NBAS: variants seen among roughly 807,000 people sequenced by gnomAD.
NBAS encodes NBAS subunit of NRZ tethering complex.
In NBAS, 219 loss-of-function variants were observed where a neutral mutation model predicts 302.5. The observed-to-expected ratio is 0.72, with a 90% CI of 0.65 to 0.81. NBAS has a LOEUF of 0.81. Among genes scored for constraint, NBAS ranks in the 30% least tolerant of loss-of-function variants. NBAS has a pLI of 0.00. For synonymous variants in NBAS, 1,118 were observed against 1,021.6 expected (o/e 1.09, Z -1.80); for missense variants, 2,932 against 2,841.6 (o/e 1.03, Z -0.72).
intron 9 of NBAS, among the ~76,000 whole-genome samples, chr2:15,518,829 A>G (rs1256318755): frequency 6.6e-6 from 1 of 152,142 alleles, no homozygotes; most frequent in Non-Finnish European, 1.5e-5. Context: ...GTGGAATGGC[A>G]GCAGGCAAAG....
rs1327968272 is a variant in NBAS, at chr2:15,393,349, C to T, written c.3257+878G>A. Among the ~76,000 whole-genome samples the T allele has an allele frequency of 2.0e-5, 3 of 151,816 alleles. No homozygotes were observed. In the East Asian group the frequency reaches 5.8e-4, roughly 29 times the overall value. On this transcript the variant is annotated intron_variant, in intron 28 of 51. Transcript: ENST00000281513. ...AGAATATATAAGAAAACTCCCAAAA[C>T]TCAATAAAAAGAAAAATTACTCAGT...
At chr2:15,365,315 T>A (rs1253200488) in intron 32 of NBAS, among the ~76,000 whole-genome samples, 1 of 152,212 alleles carries the variant, frequency 6.6e-6, no homozygotes, top group African/African-American at 2.4e-5. Context: ...AGATGGCACC[T>A]CTGAGCTGCT....
At chr2:14,942,795 C>A in the NBAS span, among the ~76,000 whole-genome samples, 1 of 152,210 alleles carries the variant, frequency 6.6e-6, no homozygotes. Context: ...AGAGGCTCAA[C>A]TCATCACAGC....
In NBAS at chr2:15,264,849, G is replaced by A. The variant is rs78131097; in HGVS notation, c.5724+10635C>T. 5.3e-5 allele frequency among the ~76,000 whole-genome samples: 8 copies of A among 152,262 alleles called. No homozygotes were observed. The East Asian group carries it at 5.8e-4, about 11-fold the overall frequency. On this transcript the variant is annotated intron_variant, in intron 44 of 51. Transcript: ENST00000281513. ...AAAGGCTGGATGTGACGAGGGAGAC[G>A]GATGAAAATGTTTTATCTGCTCCAC... is the stretch of plus-strand genomic sequence containing the variant.
the NBAS span, among the ~76,000 whole-genome samples, chr2:15,090,892 A>C: frequency 6.6e-6 from 1 of 152,166 alleles, no homozygotes; most frequent in Non-Finnish European, 1.5e-5. Flanking sequence ...CTTATCGTGA[A>C]GAGAATGCTT....
At chr2:15,270,916 T>C (rs1049583760) in intron 44 of NBAS, among the ~76,000 whole-genome samples, 2 of 152,166 alleles carry the variant, frequency 1.3e-5, no homozygotes, top group African/African-American at 4.8e-5. Flanking sequence ...TAATATACAT[T>C]AAATAAACAT....
chr2:15,015,800 A>G, the NBAS span, among the ~76,000 whole-genome samples: 1 of 152,160 alleles, frequency 6.6e-6, no homozygotes, highest in Admixed American at 6.6e-5. Context: ...GGAATTAGAC[A>G]ACGAAAGAAA....
the NBAS span, among the ~76,000 whole-genome samples, chr2:14,968,053 C>T: frequency 6.6e-6 from 1 of 152,194 alleles, no homozygotes; most frequent in Non-Finnish European, 1.5e-5. Context: ...TTCCTACTCT[C>T]TCGGGCCATT....
At chr2:14,914,631 T>C in the NBAS span, among the ~76,000 whole-genome samples, 1 of 152,140 alleles carries the variant, frequency 6.6e-6, no homozygotes, top group Non-Finnish European at 1.5e-5. Flanking sequence ...CCAACTGATT[T>C]TATGAGATGT....
At chr2:15,251,411 C>T (rs1668359818) in intron 44 of NBAS, among the ~76,000 whole-genome samples, 1 of 152,120 alleles carries the variant, frequency 6.6e-6, no homozygotes, top group Non-Finnish European at 1.5e-5. Flanking sequence ...ACCTATGAAA[C>T]AAACCTGCAC....
the NBAS span, among the ~76,000 whole-genome samples, chr2:14,942,891 C>T: frequency 6.6e-6 from 1 of 152,092 alleles, no homozygotes; most frequent in Non-Finnish European, 1.5e-5. Context: ...GACTCCAAGC[C>T]CCATAATAAA....
the NBAS span, among the ~76,000 whole-genome samples, chr2:14,937,518 C>G: frequency 6.6e-6 from 1 of 152,116 alleles, no homozygotes; most frequent in East Asian, 1.9e-4. Flanking sequence ...AGCTGAAGAA[C>G]CCTGGAAAGC....
At chr2:15,384,708 A>T (rs1675204110) in intron 28 of NBAS, among the ~76,000 whole-genome samples, 1 of 151,822 alleles carries the variant, frequency 6.6e-6, no homozygotes, top group Admixed American at 6.5e-5. Context: ...TTAAATACAC[A>T]TGAGTTTGGA....
chr2:15,030,623 G>T, the NBAS span, among the ~76,000 whole-genome samples: 2 of 152,134 alleles, frequency 1.3e-5, no homozygotes, highest in African/African-American at 4.8e-5. Context: ...TGTGAGGTTT[G>T]CAGATCTTGC....
Position 15,467,784 on chromosome 2 carries a change from A to G in NBAS, c.1898T>C (p.Ile633Thr), listed in dbSNP as rs767525696. ...TTCATAGGAGATACTGTCAATGTCT[A>G]TTTCACCAGGTAATGTAAATCTGCA... The part of the protein sequence containing the change: ...DDGRFTLPGE[I>T]DIDSISYEEL... The change falls in exon 18 of 52, where the codon ATA (isoleucine) becomes ACA (threonine). Residue 633 changes from isoleucine to threonine, a missense_variant. Ile to Thr is a moderately conservative substitution (Grantham distance 89). Coordinates refer to ENST00000281513, the MANE Select transcript of NBAS (RefSeq NM_015909.4). The G allele has an allele frequency of 3.1e-6, 5 of 1,591,462 alleles. No homozygotes were observed. The highest frequency in any genetic ancestry group is 3.3e-5 in the Admixed American group (2 of 59,832).
At position 15,468,015 on chromosome 2, in the gene NBAS, C is replaced by A. The variant is rs1679797479; in HGVS notation, c.1878-211G>T. Reference sequence around the variant, plus strand: ...ATCAGTAATTATTACAAATAGAAATCTAAAAATCAAGAAAATGAAAACTAT... The same window carrying A: ...ATCAGTAATTATTACAAATAGAAATATAAAAATCAAGAAAATGAAAACTAT... On this transcript the variant is annotated intron_variant, in intron 17 of 51. Transcript: ENST00000281513. 2.6e-5 allele frequency among the ~76,000 whole-genome samples: 4 copies of A among 152,158 alleles called. No homozygotes were observed. In the South Asian group the frequency reaches 8.3e-4, roughly 32 times the overall value.
intron 47 of NBAS, among the ~76,000 whole-genome samples, chr2:15,222,569 C>T (rs1666991526): frequency 6.6e-6 from 1 of 152,268 alleles, no homozygotes; most frequent in African/African-American, 2.4e-5. Context: ...TTCATCATAA[C>T]TATCTTTTTC....
chr2:15,073,372 G>A, the NBAS span, among the ~76,000 whole-genome samples: 1 of 151,610 alleles, frequency 6.6e-6, no homozygotes, highest in East Asian at 1.9e-4. Context: ...CCAGCTACTG[G>A]GGAAGCTGAG....
At chr2:15,088,899 C>T in the NBAS span, among the ~76,000 whole-genome samples, 304 of 152,254 alleles carry the variant, frequency 2.0e-3, 2 homozygotes, top group African/African-American at 6.8e-3. Flanking sequence ...GGCCAATAGA[C>T]GGGCCTGTAA....
Sources: gnomAD v4.1 joint callset for allele counts (sites outside exome capture counted in the v4.1 genomes callset) on GRCh38, gnomAD v4.1.1 for gene constraint, MANE v1.5 for transcripts, NCBI Gene and HGNC (gene_info 2026-07-23, HGNC 2026-07-21) for gene names.